MARK1: variants seen among roughly 807,000 people sequenced by gnomAD.
MARK1 encodes the protein microtubule affinity regulating kinase 1.
In MARK1, 40 loss-of-function variants were observed where a neutral mutation model predicts 96.3. That is an observed-to-expected ratio of 0.42 (90% CI 0.32 to 0.54). MARK1 has a LOEUF of 0.54. Ranked by LOEUF, MARK1 falls within the 20% of genes least tolerant of loss-of-function variation. MARK1 has a pLI of 0.16. For synonymous variants in MARK1, 317 were observed against 341.2 expected, an observed-to-expected ratio of 0.93 and a Z score of 0.78; for missense variants, 719 against 984.6, an observed-to-expected ratio of 0.73 and a Z score of 3.61.
chr1:220,642,636 C>T (rs1318572488), intron 13 of MARK1, among the ~76,000 whole-genome samples: 3 of 152,188 alleles, frequency 2.0e-5, no homozygotes, highest in East Asian at 1.9e-4. Context: ...CAGACTGCTT[C>T]CTTAAGGACG....
chr1:220,604,550 G>A (rs1208586989), intron 6 of MARK1, among the ~76,000 whole-genome samples: 2 of 151,734 alleles, frequency 1.3e-5, no homozygotes, highest in Non-Finnish European at 2.9e-5. Flanking sequence ...TTTAATTAAA[G>A]ATGTTTTGGT....
In MARK1 at chr1:220,618,512, G is replaced by C. The variant is rs1487969020; in HGVS notation, c.755G>C (p.Ser252Thr). The C allele has an allele frequency of 6.2e-7, 1 of 1,614,164 alleles. No individual in the cohort carries two copies. Residue 252 changes from serine to threonine, a missense_variant, in exon 8 of 18, where the codon AGT (serine) becomes ACT (threonine). This residue lies in a region of MARK1 where 96 missense variants were observed against 213.1 expected (regional missense o/e 0.45). Coordinates refer to ENST00000366917, the MANE Select transcript of MARK1 (RefSeq NM_018650.5). This position sits in a 1 kb window ranked among gnomAD's most constrained non-coding sequence, Gnocchi z 4.6. ...SLGVILYTLV[S>T]GSLPFDGQNL... Reference sequence around the variant, plus strand: ...GGCGTCATTCTCTATACATTAGTCAGTGGCTCCTTGCCTTTCGATGGCCAG... The same window carrying C: ...GGCGTCATTCTCTATACATTAGTCACTGGCTCCTTGCCTTTCGATGGCCAG...
Position 220,624,872 on chromosome 1 carries a change from T to A in MARK1, c.909+6117T>A, listed in dbSNP as rs539642953. On this transcript the variant is annotated intron_variant, in intron 9 of 17. Transcript: ENST00000366917. ...AACCATATTCTGCCAGGCACCTGAT[T>A]TAAAATTCTCAGAACTCTCTTGTAT... is the stretch of plus-strand genomic sequence containing the variant. Among the ~76,000 whole-genome samples the A allele has an allele frequency of 2.6e-5, 4 of 152,330 alleles. No individual in the cohort carries two copies. In the South Asian group the frequency reaches 6.2e-4, roughly 24 times the overall value.
At chr1:220,650,834 G>A (rs542020765) in intron 14 of MARK1, 114 bp downstream of exon 14, 3 of 674,982 alleles carry the variant, frequency 4.4e-6, no homozygotes, top group Admixed American at 5.3e-5. Context: ...ACATGAAATA[G>A]TAAGATTGCA....
intron 17 of MARK1, among the ~76,000 whole-genome samples, chr1:220,658,958 T>G (rs1197871509): frequency 6.6e-6 from 1 of 152,178 alleles, no homozygotes. Flanking sequence ...CACTTAGTCT[T>G]CACTTTTGAG....
intron 16 of MARK1, among the ~76,000 whole-genome samples, chr1:220,655,716 C>T (rs555477059): frequency 8.5e-5 from 13 of 152,212 alleles, no homozygotes; most frequent in Admixed American, 6.5e-4. Flanking sequence ...TGTCCTTGTC[C>T]TCCTCTTCTG....
intron 1 of MARK1, among the ~76,000 whole-genome samples, chr1:220,555,191 G>A (rs1265720112): frequency 1.3e-5 from 2 of 152,142 alleles, no homozygotes; most frequent in Non-Finnish European, 2.9e-5. Context: ...GGATCACAGT[G>A]GAATTTGGGG....
intron 3 of MARK1, among the ~76,000 whole-genome samples, chr1:220,588,900 G>A (rs771108239): frequency 7.2e-5 from 11 of 152,182 alleles, no homozygotes; most frequent in Non-Finnish European, 1.5e-4. Flanking sequence ...AAAGATTGCA[G>A]TGAAGACAAA....
chr1:220,644,520 C>A (rs1415557876), intron 13 of MARK1, among the ~76,000 whole-genome samples: 1 of 145,782 alleles, frequency 6.9e-6, no homozygotes, highest in African/African-American at 2.5e-5. Context: ...TTAGACAGAT[C>A]ACCGAGACAG....
chr1:220,626,102 A>T, intron 9 of MARK1: 2 of 614,226 alleles, frequency 3.3e-6, no homozygotes, highest in South Asian at 3.1e-5. Flanking sequence ...AGTGCTGTGA[A>T]ACTTAATAAG....
Position 220,547,964 on chromosome 1 carries a change from A to C in MARK1, c.51+19091A>C, listed in dbSNP as rs953667314. Among the ~76,000 whole-genome samples the C allele has an allele frequency of 2.6e-5, 4 of 152,268 alleles. No individual in the cohort carries two copies. The South Asian group carries it at 8.3e-4, about 32-fold the overall frequency. ...TGACTCCTGTATCAAGCAAACAGTG[A>C]TACCTGCACTTTGCAGAATTGCTTA... On this transcript the variant is annotated intron_variant, in intron 1 of 17. Transcript: ENST00000366917.
intron 9 of MARK1, among the ~76,000 whole-genome samples, chr1:220,630,404 C>T (rs1667622861): frequency 6.6e-6 from 1 of 152,134 alleles, no homozygotes; most frequent in Admixed American, 6.6e-5. Context: ...AGTTGGCCCC[C>T]ACAAGGTTGC....
At chr1:220,588,345 A>G (rs1664783137) in intron 3 of MARK1, among the ~76,000 whole-genome samples, 2 of 152,226 alleles carry the variant, frequency 1.3e-5, no homozygotes, top group Non-Finnish European at 2.9e-5. Flanking sequence ...TAAGAATCTT[A>G]TAATCTACCT....
At chr1:220,659,573 C>T (rs1669358254) in intron 17 of MARK1, among the ~76,000 whole-genome samples, 1 of 152,144 alleles carries the variant, frequency 6.6e-6, no homozygotes, top group South Asian at 2.1e-4. Context: ...CTAGTAAGTA[C>T]TCAATAAATG....
intron 17 of MARK1, among the ~76,000 whole-genome samples, chr1:220,659,417 T>C (rs1022706741): frequency 2.6e-5 from 4 of 152,166 alleles, no homozygotes; most frequent in Non-Finnish European, 5.9e-5. Flanking sequence ...TCAGCTATGT[T>C]CCACCACTTA....
chr1:220,594,085 A>G (rs1216622658), intron 3 of MARK1, among the ~76,000 whole-genome samples: 1 of 152,200 alleles, frequency 6.6e-6, no homozygotes, highest in African/African-American at 2.4e-5. Context: ...AATCAACAAG[A>G]TATTTAATGA....
intron 13 of MARK1, among the ~76,000 whole-genome samples, chr1:220,648,061 A>C (rs1452518542): frequency 6.6e-6 from 1 of 151,816 alleles, no homozygotes; most frequent in Non-Finnish European, 1.5e-5. Context: ...AAGATTTAAA[A>C]ATTAAAAAAA....
chr1:220,572,251 TC>T (rs1397980724), intron 1 of MARK1, among the ~76,000 whole-genome samples: 1 of 152,006 alleles, frequency 6.6e-6, no homozygotes. Flanking sequence ...TCCTTTTTTT[TC>T]TTTTTGGAGA....
chr1:220,551,696 CA>C (rs1558252813), intron 1 of MARK1, among the ~76,000 whole-genome samples: 1 of 150,634 alleles, frequency 6.6e-6, no homozygotes. Flanking sequence ...GAAGGGGAAT[CA>C]AAAAGAAAAA....
Sources: allele counts gnomAD v4.1 joint callset (sites outside exome capture counted in the v4.1 genomes callset), GRCh38; gene constraint gnomAD v4.1.1; regional missense constraint gnomAD v4.1.1; non-coding constraint Gnocchi (gnomAD v3.1); transcripts MANE v1.5; gene names NCBI Gene and HGNC (gene_info 2026-07-23, HGNC 2026-07-21).